The following RUSC2 variants were observed in gnomAD, a reference collection of about 807,000 sequenced individuals.
RUSC2 encodes the protein AP-4 complex accessory subunit RUSC2.
A neutral mutation model predicts 122.2 loss-of-function variants in RUSC2; 34 were observed. That is an observed-to-expected ratio of 0.28 (90% CI 0.21 to 0.37). The LOEUF is 0.37. RUSC2 is among the 10% of genes least tolerant of loss of function. The pLI, the probability that RUSC2 is intolerant of heterozygous loss-of-function variation, is 1.00. For missense variants in RUSC2, 1,747 were observed against 1,952.4 expected (o/e 0.89, Z 1.98); for synonymous variants, 784 against 790.0 (o/e 0.99, Z 0.13).
At chr9:35,552,354 C>G (rs1821917277) in intron 2 of RUSC2, among the ~76,000 whole-genome samples, 1 of 152,242 alleles carries the variant, frequency 6.6e-6, no homozygotes, top group South Asian at 2.1e-4. Context: ...AAGTGAGACT[C>G]TGTCTCAGAA....
rs749692537 is a variant in RUSC2 at position 35,547,811 on chromosome 9, ACCAGGCCCTGGC to A, written c.1295_1306del (p.Gly432_Pro435del). On this transcript the variant is annotated inframe_deletion, in exon 2 of 12. Coordinates refer to ENST00000361226, the MANE Select transcript of RUSC2 (RefSeq NM_014806.5). The surrounding 1 kb of genome is among the most constrained non-coding windows in gnomAD (Gnocchi z 4.6). ...AGGAACACACCAAGATAAGTCCCCCACCAGGCCCTGGCCCAGACCCAGGCCCCAGCCAGCCCT... is the reference window on the plus strand; with the variant it reads ...AGGAACACACCAAGATAAGTCCCCCACCAGACCCAGGCCCCAGCCAGCCCT... 7.0e-4 allele frequency: 1,123 copies of A among 1,614,026 alleles called. 14 individuals carry two copies. In the Middle Eastern group the frequency reaches 7.1e-3, roughly 10 times the overall value.
chr9:35,513,106 A>C (rs1277772031), intron 1 of RUSC2, among the ~76,000 whole-genome samples: 1 of 152,234 alleles, frequency 6.6e-6, no homozygotes, highest in African/African-American at 2.4e-5. Context: ...GCTAAGAAGC[A>C]GAAGCACAAA....
chr9:35,499,281 T>TCAAAAA, intron 1 of RUSC2, among the ~76,000 whole-genome samples: 1 of 151,960 alleles, frequency 6.6e-6, no homozygotes, highest in South Asian at 2.1e-4. Flanking sequence ...AGTGAAACTC[T>TCAAAAA]CAAAAACAAA....
At chr9:35,553,331 T>G (rs1821939679) in intron 2 of RUSC2, among the ~76,000 whole-genome samples, 2 of 152,188 alleles carry the variant, frequency 1.3e-5, no homozygotes. Flanking sequence ...ACCGTGGAGA[T>G]TCCCTCATTT....
chr9:35,516,022 A>AAAAAAAAAAAAGAG (rs1554724501), intron 1 of RUSC2, among the ~76,000 whole-genome samples: 2 of 127,114 alleles, frequency 1.6e-5, no homozygotes, highest in Non-Finnish European at 1.6e-5. Flanking sequence ...AAAAAAAAAA[A>AAAAAAAAAAAAGAG]AGAGAAATGC....
chr9:35,520,151 G>T (rs993448135), intron 1 of RUSC2, among the ~76,000 whole-genome samples: 5 of 152,230 alleles, frequency 3.3e-5, no homozygotes, highest in Admixed American at 1.3e-4. Context: ...GCCAGTCCCA[G>T]TGCTCTTACT....
At chr9:35,525,978 A>G (rs536258693) in intron 1 of RUSC2, among the ~76,000 whole-genome samples, 1 of 152,156 alleles carries the variant, frequency 6.6e-6, no homozygotes, top group Non-Finnish European at 1.5e-5. Context: ...TGTAGTCCCA[A>G]CTGCTTGGGT....
intron 1 of RUSC2, among the ~76,000 whole-genome samples, chr9:35,534,035 C>G (rs1346983776): frequency 6.6e-6 from 1 of 152,172 alleles, no homozygotes; most frequent in Non-Finnish European, 1.5e-5. Flanking sequence ...ACTGCCAGAA[C>G]TCTTTTCCAA....
At chr9:35,535,277 C>T (rs1306171754) in intron 1 of RUSC2, among the ~76,000 whole-genome samples, 3 of 151,608 alleles carry the variant, frequency 2.0e-5, no homozygotes, top group South Asian at 4.2e-4. Flanking sequence ...CACCACACCC[C>T]GCTAATTTTT....
At chr9:35,537,187 T>C (rs1015366567) in intron 1 of RUSC2, among the ~76,000 whole-genome samples, 1 of 152,186 alleles carries the variant, frequency 6.6e-6, no homozygotes, top group African/African-American at 2.4e-5. Flanking sequence ...CCACCTTCCA[T>C]AGGCAACTGG....
chr9:35,561,853 T>TATTTA lies in RUSC2; in HGVS notation c.*472_*476dup, dbSNP rs1822191624. 1.6e-6 allele frequency: 1 copy of TATTTA among 635,664 alleles called. No individual in the cohort carries two copies. Among genetic ancestry groups the TATTTA allele is most frequent in the Non-Finnish European group, 2.8e-6 (1 of 360,674 alleles). The allele number at this position is 635,664 out of a possible 1,614,324, so 39.4% of individuals were successfully genotyped here. A position where few individuals can be genotyped will look rare whatever the true frequency, so the allele number is the denominator to read the frequency against. On this transcript the variant is annotated 3_prime_UTR_variant, in exon 12 of 12. Coordinates refer to ENST00000361226, the MANE Select transcript of RUSC2 (RefSeq NM_014806.5). ...GCGTCTGTTTATGTATTTATTTATT[T>TATTTA]ATTTATTATACCTATTAATAAAAAA...
rs576695099 is a variant in RUSC2 at position 35,511,564 on chromosome 9, T to G, written c.-93+21392T>G. 2.0e-5 allele frequency among the ~76,000 whole-genome samples: 3 copies of G among 152,262 alleles called. No homozygotes were observed. The South Asian group carries it at 6.2e-4, about 32-fold the overall frequency. ...ATGTCCACATCTGTAATGAGCCAAA[T>G]TCTGCTCTGAAGAAATGTTTCCAGT... On this transcript the variant is annotated intron_variant, in intron 1 of 11. Transcript: ENST00000361226.
intron 1 of RUSC2, among the ~76,000 whole-genome samples, chr9:35,527,031 T>C (rs2132525075): frequency 6.6e-6 from 1 of 152,344 alleles, no homozygotes; most frequent in African/African-American, 2.4e-5. Context: ...TTTCTGTTCC[T>C]TTGTTTTTTT....
intron 1 of RUSC2, among the ~76,000 whole-genome samples, chr9:35,499,151 G>A (rs868505960): frequency 6.6e-6 from 1 of 152,110 alleles, no homozygotes; most frequent in South Asian, 2.1e-4. Context: ...GCCAAGCGTG[G>A]TGGCATGCAC....
chr9:35,503,787 T>C (rs1820862806), intron 1 of RUSC2, among the ~76,000 whole-genome samples: 1 of 152,146 alleles, frequency 6.6e-6, no homozygotes, highest in Admixed American at 6.5e-5. Flanking sequence ...TTTTTTTTTC[T>C]TTTTTGAGAC....
chr9:35,546,796 G>T lies in RUSC2; in HGVS notation c.275G>T (p.Arg92Ile). 6.2e-7 allele frequency: 1 copy of T among 1,610,742 alleles called. No homozygotes were observed. The part of the protein sequence containing the change: ...DSTKSRSRDG[R>I]GPGAPKRHNP... Reference sequence around the variant, plus strand: ...ACCAAGAGTAGGAGTCGGGATGGAAGAGGCCCTGGAGCCCCCAAACGACAC... The same window carrying T: ...ACCAAGAGTAGGAGTCGGGATGGAATAGGCCCTGGAGCCCCCAAACGACAC... The change falls in exon 2 of 12, where the codon AGA becomes ATA. Residue 92 changes from arginine to isoleucine, a missense_variant. Transcript: ENST00000361226. The surrounding 1 kb of genome is among the most constrained non-coding windows in gnomAD (Gnocchi z 4.3).
In RUSC2 at chr9:35,561,464, T is replaced by TGGGAA; in HGVS notation, c.*84_*85insGAAGG. The TGGGAA allele has an allele frequency of 8.1e-7, 1 of 1,229,384 alleles. No individual in the cohort carries two copies. The highest frequency in any genetic ancestry group is 1.1e-6 in the Non-Finnish European group (1 of 871,624). The allele number at this position is 1,229,384 out of a possible 1,614,324, so 76.2% of individuals were successfully genotyped here. On this transcript the variant is annotated 3_prime_UTR_variant, in exon 12 of 12. Coordinates refer to ENST00000361226, the MANE Select transcript of RUSC2 (RefSeq NM_014806.5). The stretch of plus-strand genomic sequence containing the variant: ...GAGAGCCCTTCCCAAGCCATTGGCT[T>TGGGAA]GGCTGCAGAGTAGACTGAGAGCTGG...
intron 1 of RUSC2, among the ~76,000 whole-genome samples, chr9:35,520,777 G>T (rs1256935652): frequency 6.6e-6 from 1 of 152,068 alleles, no homozygotes; most frequent in Non-Finnish European, 1.5e-5. Context: ...AGCAGTCTGT[G>T]CTGGGGCTTT....
intron 1 of RUSC2, among the ~76,000 whole-genome samples, chr9:35,513,190 T>G (rs992529965): frequency 6.7e-5 from 10 of 149,772 alleles, no homozygotes; most frequent in East Asian, 2.0e-4. Context: ...TATACTTTGT[T>G]TTGTTGTTGT....
Sources: gnomAD v4.1 joint callset for allele counts (sites outside exome capture counted in the v4.1 genomes callset) on GRCh38, gnomAD v4.1.1 for gene constraint, Gnocchi (gnomAD v3.1) non-coding constraint, MANE v1.5 for transcripts, NCBI Gene and HGNC (gene_info 2026-07-23, HGNC 2026-07-21) for gene names.